DIAPH1: variants seen among roughly 807,000 people sequenced by gnomAD.
DIAPH1 encodes the protein protein diaphanous homolog 1.
In DIAPH1, 46 loss-of-function variants were observed where a neutral mutation model predicts 140.7. That is an observed-to-expected ratio of 0.33 (90% CI 0.26 to 0.42). The LOEUF (loss-of-function observed/expected upper bound fraction) is 0.42, where lower values mean the gene tolerates loss of function less well. DIAPH1 is among the 10% of genes least tolerant of loss of function. The pLI is 1.00. For missense variants in DIAPH1, 1,310 were observed against 1,558.7 expected, an observed-to-expected ratio of 0.84 and a Z score of 2.69; for synonymous variants, 565 against 551.6, an observed-to-expected ratio of 1.02 and a Z score of -0.34.
intron 18 of DIAPH1, among the ~76,000 whole-genome samples, chr5:141,538,161 C>T (rs111739745): frequency 2.0e-5 from 3 of 150,260 alleles, no homozygotes; most frequent in African/African-American, 4.9e-5. Context: ...CCTGGGTTCA[C>T]GCCATTCTCC....
intron 1 of DIAPH1, among the ~76,000 whole-genome samples, chr5:141,611,147 C>T (rs1212581581): frequency 3.3e-5 from 5 of 151,802 alleles, no homozygotes; most frequent in Non-Finnish European, 5.9e-5. Context: ...ATGGTGGTCC[C>T]AGGTACTGGG....
chr5:141,612,346 A>G (rs1262307613), intron 1 of DIAPH1, among the ~76,000 whole-genome samples: 2 of 152,222 alleles, frequency 1.3e-5, no homozygotes, highest in Non-Finnish European at 2.9e-5. Context: ...CAGCCCAAAA[A>G]GTTGTATGAG....
intron 1 of DIAPH1, among the ~76,000 whole-genome samples, chr5:141,597,014 G>A (rs948670362): frequency 2.0e-5 from 3 of 152,000 alleles, no homozygotes; most frequent in African/African-American, 7.2e-5. Context: ...TAAAAGGACT[G>A]GAAGAATTAA....
intron 1 of DIAPH1, among the ~76,000 whole-genome samples, chr5:141,616,501 G>T (rs2099902698): frequency 1.3e-5 from 2 of 152,136 alleles, no homozygotes; most frequent in Admixed American, 6.5e-5. Context: ...TAAGCCACGG[G>T]TATCAAAAGC....
At chr5:141,562,379 TA>T (rs1041391029) in intron 18 of DIAPH1, among the ~76,000 whole-genome samples, 10 of 152,124 alleles carry the variant, frequency 6.6e-5, no homozygotes, top group Admixed American at 1.3e-4. Context: ...AAGCAAGGTA[TA>T]GAAACAGTAC....
At chr5:141,542,223 G>A (rs1465689288) in intron 18 of DIAPH1, among the ~76,000 whole-genome samples, 1 of 152,110 alleles carries the variant, frequency 6.6e-6, no homozygotes, top group Non-Finnish European at 1.5e-5. Flanking sequence ...CATGAGATCA[G>A]GAGTTCGAGA....
At chr5:141,528,197 A>G (rs2099887684) in intron 23 of DIAPH1, among the ~76,000 whole-genome samples, 1 of 152,194 alleles carries the variant, frequency 6.6e-6, no homozygotes, top group Admixed American at 6.5e-5. Flanking sequence ...ACCTAGACTA[A>G]AAACACCTGC....
Position 141,587,123 on chromosome 5 carries a change from T to G in DIAPH1, c.219A>C (p.Ala73=), listed in dbSNP as rs771948937. 6.2e-7 allele frequency: 1 copy of G among 1,614,166 alleles called. No individual in the cohort carries two copies. Among genetic ancestry groups the G allele is most frequent in the Non-Finnish European group, 8.5e-7 (1 of 1,179,996 alleles). The change falls in exon 3 of 28, where the codon GCA becomes GCC. Residue 73 remains alanine (A), a synonymous_variant. Coordinates refer to ENST00000389054, the MANE Select transcript of DIAPH1 (RefSeq NM_005219.5). The part of the protein sequence containing the change: ...KPNSAHRNSS[A]SYGDDPTAQS... ...GTGCTGTGGGATCATCCCCATATGATGCAGAAGAATTTCTATGAGCAGAAT... is the reference window on the plus strand; with the variant it reads ...GTGCTGTGGGATCATCCCCATATGAGGCAGAAGAATTTCTATGAGCAGAAT...
intron 18 of DIAPH1, among the ~76,000 whole-genome samples, chr5:141,568,899 T>C (rs1399500408): frequency 6.6e-6 from 1 of 152,200 alleles, no homozygotes; most frequent in Non-Finnish European, 1.5e-5. Context: ...TGAAATCACC[T>C]AAGCAGTGCT....
At chr5:141,533,202 TG>T (rs2099888505) in intron 19 of DIAPH1, among the ~76,000 whole-genome samples, 1 of 152,228 alleles carries the variant, frequency 6.6e-6, no homozygotes, top group Admixed American at 6.5e-5. Flanking sequence ...CTTTCATCTC[TG>T]GAACACATGC....
intron 26 of DIAPH1, 51 bp from the exon 27 acceptor site, chr5:141,524,280 G>A: frequency 1.3e-6 from 2 of 1,535,218 alleles, no homozygotes; most frequent in Non-Finnish European, 1.8e-6. Context: ...AGAGCAGCAT[G>A]GCAAATATCA....
chr5:141,534,033 C>CAA (rs35815835), intron 19 of DIAPH1, among the ~76,000 whole-genome samples: 4,686 of 48,422 alleles, frequency 0.097, 308 homozygotes, highest in Non-Finnish European at 0.12. Flanking sequence ...GACTGTGTCT[C>CAA]AAAAAAAAAA....
chr5:141,529,531 T>C, intron 20 of DIAPH1, 72 bp downstream of exon 20: 1 of 1,247,504 alleles, frequency 8.0e-7, no homozygotes, highest in Non-Finnish European at 1.2e-6. Flanking sequence ...ATCCTCTTCA[T>C]CTACACAGAG....
At chr5:141,526,614 C>A (rs2099887368) in intron 24 of DIAPH1, among the ~76,000 whole-genome samples, 153 bp from the exon 25 acceptor site, 1 of 152,078 alleles carries the variant, frequency 6.6e-6, no homozygotes, top group Non-Finnish European at 1.5e-5. Context: ...TGTAGGTACC[C>A]CTAAATAGGG....
At chr5:141,603,026 T>C (rs2099900404) in intron 1 of DIAPH1, among the ~76,000 whole-genome samples, 1 of 152,204 alleles carries the variant, frequency 6.6e-6, no homozygotes, top group Non-Finnish European at 1.5e-5. Flanking sequence ...AAAGGAAGTC[T>C]AGAAGAGGGG....
chr5:141,519,007 G>A (rs2099886120), intron 27 of DIAPH1: 2 of 1,550,378 alleles, frequency 1.3e-6, no homozygotes, highest in African/African-American at 1.4e-5. Flanking sequence ...CTACCAAGAG[G>A]AGAAAGAATA....
intron 1 of DIAPH1, among the ~76,000 whole-genome samples, chr5:141,613,945 A>G (rs2099902243): frequency 6.6e-6 from 1 of 152,214 alleles, no homozygotes; most frequent in African/African-American, 2.4e-5. Context: ...GTAAGTAGGA[A>G]AGGAATAAAA....
In DIAPH1 at chr5:141,516,820, C is replaced by T; in HGVS notation, c.*31G>A. Reference sequence around the variant, plus strand: ...CAGGGCAGGACAGTCTGCGGCTCCGCTGAGGAGCTGCCGCGGTCACAGGAC... The same window carrying T: ...CAGGGCAGGACAGTCTGCGGCTCCGTTGAGGAGCTGCCGCGGTCACAGGAC... On this transcript the variant is annotated 3_prime_UTR_variant, in exon 28 of 28. Transcript: ENST00000389054. 1.2e-6 allele frequency: 2 copies of T among 1,613,296 alleles called. No individual in the cohort carries two copies. Among genetic ancestry groups the T allele is most frequent in the Non-Finnish European group, 1.7e-6 (2 of 1,179,974 alleles).
intron 18 of DIAPH1, among the ~76,000 whole-genome samples, chr5:141,562,097 G>T (rs2099893630): frequency 6.6e-6 from 1 of 152,104 alleles, no homozygotes; most frequent in African/African-American, 2.4e-5. Flanking sequence ...CATTTACAGA[G>T]CTGATGTGGG....
Sources: gnomAD v4.1 joint callset for allele counts (sites outside exome capture counted in the v4.1 genomes callset) on GRCh38, gnomAD v4.1.1 for gene constraint, MANE v1.5 for transcripts, NCBI Gene and HGNC (gene_info 2026-07-23, HGNC 2026-07-21) for gene names.